DGCR2: variants seen among roughly 807,000 people sequenced by gnomAD.
DGCR2 encodes integral membrane protein DGCR2/IDD.
A neutral mutation model predicts 51.6 loss-of-function variants in DGCR2; 24 were observed. The observed-to-expected ratio is 0.47, with a 90% CI of 0.34 to 0.65. DGCR2 has a LOEUF of 0.65. Ranked by LOEUF, DGCR2 falls within the 30% of genes least tolerant of loss-of-function variation. The pLI, the probability that DGCR2 is intolerant of heterozygous loss-of-function variation, is 0.01. For missense variants in DGCR2, 765 were observed against 772.1 expected (o/e 0.99, Z 0.11); for synonymous variants, 340 against 315.4 (o/e 1.08, Z -0.82).
At chr22:19,059,929 T>G (rs1471885265) in intron 5 of DGCR2, among the ~76,000 whole-genome samples, 3 of 152,030 alleles carry the variant, frequency 2.0e-5, no homozygotes, top group Non-Finnish European at 4.4e-5. Context: ...TGGGGAGACC[T>G]TCACTCACTT....
chr22:19,086,608 C>T (rs1349014526), intron 2 of DGCR2, among the ~76,000 whole-genome samples: 1 of 152,200 alleles, frequency 6.6e-6, no homozygotes, highest in Non-Finnish European at 1.5e-5. Flanking sequence ...CTCCTCAGCC[C>T]ACCCAGAACA....
Position 19,060,985 on chromosome 22 carries a change from T to C in DGCR2, c.625+2217A>G, listed in dbSNP as rs374266347. 183 of 348,134 alleles carry C rather than the reference T, an allele frequency of 5.3e-4. 1 individual carries two copies. The highest frequency in any genetic ancestry group is 1.6e-3 in the Middle Eastern group (4 of 2,546). The allele number at this position is 348,134 out of a possible 1,614,324, so 21.6% of individuals were successfully genotyped here. On this transcript the variant is annotated intron_variant, in intron 5 of 9. Transcript: ENST00000263196. ...AACATATTATACAACACAGAAAAGA[T>C]GGACAACATGTAGATGAAAGAAACA...
chr22:19,121,431 G>A (rs1205020946), intron 1 of DGCR2: 1 of 152,144 alleles, frequency 6.6e-6, no homozygotes, highest in Non-Finnish European at 1.5e-5. Flanking sequence ...CAGTTCAAGG[G>A]GAGGTACACC....
At chr22:19,062,298 C>T (rs1045657000) in intron 5 of DGCR2, among the ~76,000 whole-genome samples, 3 of 152,134 alleles carry the variant, frequency 2.0e-5, no homozygotes, top group Admixed American at 6.5e-5. Flanking sequence ...GTCTGCTGGG[C>T]TCTGCAGCCC....
chr22:19,103,552 T>C (rs2083228988), intron 1 of DGCR2, among the ~76,000 whole-genome samples: 1 of 143,136 alleles, frequency 7.0e-6, no homozygotes, highest in Non-Finnish European at 1.5e-5. Context: ...TGCCTCAGCC[T>C]CCCGAGTAGC....
At chr22:19,052,102 G>A (rs1424748653) in intron 6 of DGCR2, among the ~76,000 whole-genome samples, 1 of 152,138 alleles carries the variant, frequency 6.6e-6, no homozygotes, top group Non-Finnish European at 1.5e-5. Context: ...GTAATCCTGG[G>A]CATCTATCAC....
At chr22:19,063,425 G>C (rs1468041641) in intron 4 of DGCR2, 147 bp from the exon 5 acceptor site, 3 of 724,354 alleles carry the variant, frequency 4.1e-6, no homozygotes, top group Middle Eastern at 3.4e-4. Context: ...ACTGCAACTT[G>C]ACTTCCTGGT....
rs781208704 is a variant in DGCR2, at chr22:19,057,025, C to T, written c.763G>A (p.Glu255Lys). The T allele has an allele frequency of 2.6e-5, 41 of 1,594,354 alleles. No individual in the cohort carries two copies. The highest frequency in any genetic ancestry group is 3.2e-5 in the Non-Finnish European group (38 of 1,170,320). Reference sequence around the variant, plus strand: ...AATGAAGACTTCTCGTAGCAGCTCTCGGCGTGCCAGCTGTGGAGGTCGTGG... The same window carrying T: ...AATGAAGACTTCTCGTAGCAGCTCTTGGCGTGCCAGCTGTGGAGGTCGTGG... ...RHHDLHSWHAESCYEKSSFLC... is the reference protein window; with the variant it reads ...RHHDLHSWHAKSCYEKSSFLC... Residue 255 changes from glutamate (E) to lysine (K), a missense_variant, in exon 6 of 10, where the codon GAG becomes AAG. Glu to Lys is a moderately conservative substitution (Grantham distance 56, BLOSUM62 1). Coordinates refer to ENST00000263196, the MANE Select transcript of DGCR2 (RefSeq NM_005137.3). The surrounding 1 kb of genome is among the most constrained non-coding windows in gnomAD (Gnocchi z 5.1).
At chr22:19,048,289 T>C in intron 7 of DGCR2, 151 bp downstream of exon 7, 1 of 800,568 alleles carries the variant, frequency 1.2e-6, no homozygotes, top group Non-Finnish European at 2.0e-6. Flanking sequence ...CATCAAAGTC[T>C]CTGAGACATC....
intron 1 of DGCR2, among the ~76,000 whole-genome samples, chr22:19,106,053 G>T (rs981349540): frequency 1.3e-5 from 2 of 151,938 alleles, no homozygotes; most frequent in Admixed American, 1.3e-4. Flanking sequence ...GAACCACGCA[G>T]GGAGACTGGC....
Position 19,102,120 on chromosome 22 carries a change from A to C in DGCR2, c.80-12630T>G, listed in dbSNP as rs928065638. Among the ~76,000 whole-genome samples, 66 of 152,238 alleles carry C rather than the reference A, an allele frequency of 4.3e-4. 4 individuals carry two copies. The highest frequency in any genetic ancestry group is 1.5e-5 in the Non-Finnish European group (1 of 68,054). ...GGAAGAAAATTCTGACACATGCTAC[A>C]ACATGAATGAACCTGGACAACATTA... On this transcript the variant is annotated intron_variant, in intron 1 of 9. Transcript: ENST00000263196.
chr22:19,056,526 CA>C, intron 6 of DGCR2: 3 of 438,330 alleles, frequency 6.8e-6, no homozygotes, highest in Non-Finnish European at 8.3e-6. Context: ...CCCTGTCCCC[CA>C]AAAGCAATAG....
chr22:19,118,192 G>C (rs2083392963), intron 1 of DGCR2, among the ~76,000 whole-genome samples: 1 of 152,058 alleles, frequency 6.6e-6, no homozygotes, highest in South Asian at 2.1e-4. Context: ...GGCCAACATG[G>C]TGAAACCCCG....
chr22:19,062,816 G>GATAGTCTC (rs1569053079), intron 5 of DGCR2, among the ~76,000 whole-genome samples: 4 of 119,890 alleles, frequency 3.3e-5, no homozygotes, highest in Non-Finnish European at 7.8e-5. Context: ...CTATCTGCCT[G>GATAGTCTC]ATAGTTTCCT....
At chr22:19,118,841 G>T (rs2083401071) in intron 1 of DGCR2, among the ~76,000 whole-genome samples, 1 of 152,206 alleles carries the variant, frequency 6.6e-6, no homozygotes, top group Admixed American at 6.5e-5. Context: ...AGCAGTCGAT[G>T]CTGCCTTCTC....
At chr22:19,119,575 A>C (rs2083409261) in intron 1 of DGCR2, among the ~76,000 whole-genome samples, 1 of 152,002 alleles carries the variant, frequency 6.6e-6, no homozygotes, top group Admixed American at 6.6e-5. Flanking sequence ...ATCTCTACTA[A>C]AAATACAAAA....
chr22:19,090,961 C>A (rs1020338328), intron 1 of DGCR2, among the ~76,000 whole-genome samples: 1 of 152,048 alleles, frequency 6.6e-6, no homozygotes, highest in African/African-American at 2.4e-5. Context: ...AATCAAGATA[C>A]AACTACATAT....
At chr22:19,113,620 A>C (rs555448887) in intron 1 of DGCR2, among the ~76,000 whole-genome samples, 10 of 152,306 alleles carry the variant, frequency 6.6e-5, no homozygotes, top group African/African-American at 1.9e-4. Context: ...TGTGCCTGGT[A>C]AAAAGGAATT....
At chr22:19,062,775 G>GCTGTCTCTGT (rs2082686000) in intron 5 of DGCR2, among the ~76,000 whole-genome samples, 2 of 108,966 alleles carry the variant, frequency 1.8e-5, no homozygotes, top group Non-Finnish European at 3.9e-5. Context: ...ACACATGCAT[G>GCTGTCTCTGT]CTCACTCTCT....
Sources: allele counts gnomAD v4.1 joint callset (sites outside exome capture counted in the v4.1 genomes callset), GRCh38; gene constraint gnomAD v4.1.1; non-coding constraint Gnocchi (gnomAD v3.1); transcripts MANE v1.5; gene names NCBI Gene and HGNC (gene_info 2026-07-23, HGNC 2026-07-21).